Variants in PPP2R2A observed in about 807,000 individuals in gnomAD.
PPP2R2A encodes protein phosphatase 2 regulatory subunit Balpha.
PPP2R2A carries 9 observed loss-of-function variants against 53.2 expected under a neutral mutation model. That is an observed-to-expected ratio of 0.17 (90% CI 0.10 to 0.30). The LOEUF (loss-of-function observed/expected upper bound fraction) is 0.30, where lower values mean the gene tolerates loss of function less well. Ranked by LOEUF, PPP2R2A falls within the 10% of genes least tolerant of loss-of-function variation. The probability of loss-of-function intolerance (pLI) is 1.00; values close to 1 mark genes in which losing one functional copy is unlikely to be tolerated. For synonymous variants in PPP2R2A, 169 were observed against 174.2 expected, an observed-to-expected ratio of 0.97 and a Z score of 0.23; for missense variants, 235 against 534.6, an observed-to-expected ratio of 0.44 and a Z score of 5.53.
At position 26,298,863 on chromosome 8, in the gene PPP2R2A, G is replaced by A. The variant is rs932814502; in HGVS notation, c.82+5123G>A. Among the ~76,000 whole-genome samples the A allele has an allele frequency of 3.3e-4, 50 of 152,058 alleles. 1 individual carries two copies. The highest frequency in any genetic ancestry group is 2.9e-3 in the Admixed American group (45 of 15,278). ...AAAGCCAAGTTCATTTCTTAAAGTC[G>A]AACAGTAAGAAATTTTTTCTAATGA... On this transcript the variant is annotated intron_variant, in intron 2 of 9. Transcript: ENST00000380737.
In PPP2R2A at chr8:26,370,226, A is replaced by G. The variant is rs149766175; in HGVS notation, c.1157A>G (p.Asn386Ser). ...ACCCTAGAAGCATCGCGGGAAAACA[A>G]TAAGCCTCGCACAGTTCTGAAGCCT... ...DITLEASRENNKPRTVLKPRK... is the reference protein window; with the variant it reads ...DITLEASRENSKPRTVLKPRK... Residue 386 changes from asparagine (N) to serine (S), a missense_variant, in exon 10 of 10, where the codon AAT (asparagine) becomes AGT (serine). Coordinates refer to ENST00000380737, the MANE Select transcript of PPP2R2A (RefSeq NM_002717.4). This position sits in a 1 kb window ranked among gnomAD's most constrained non-coding sequence, Gnocchi z 6.1. 185 of 1,614,230 alleles carry G rather than the reference A, an allele frequency of 1.1e-4. No homozygotes were observed. The highest frequency in any genetic ancestry group is 5.7e-4 in the South Asian group (52 of 91,082).
In PPP2R2A at chr8:26,360,865, G is replaced by A. The variant is rs924757311; in HGVS notation, c.460-109G>A. 1 of 1,055,024 alleles carries A rather than the reference G, an allele frequency of 9.5e-7. No homozygotes were observed. Among genetic ancestry groups the A allele is most frequent in the Non-Finnish European group, 1.3e-6 (1 of 742,390 alleles). 65.4% of individuals were successfully genotyped at this position (1,055,024 alleles called of 1,614,324 possible). On this transcript the variant is annotated intron_variant, in intron 5 of 9. Transcript: ENST00000380737. This position sits in a 1 kb window ranked among gnomAD's most constrained non-coding sequence, Gnocchi z 4.5. The stretch of plus-strand genomic sequence containing the variant: ...TTTAAAACTAAATCTATGTAATATT[G>A]TTCTATTTTATGTTCTCAAAAACTG...
At chr8:26,306,478 A>G (rs1462283970) in intron 2 of PPP2R2A, among the ~76,000 whole-genome samples, 3 of 140,824 alleles carry the variant, frequency 2.1e-5, no homozygotes, top group African/African-American at 2.8e-5. Context: ...TCTGTCTGAA[A>G]AAAAAAAAAA....
At chr8:26,303,192 T>G (rs1801867112) in intron 2 of PPP2R2A, among the ~76,000 whole-genome samples, 1 of 152,220 alleles carries the variant, frequency 6.6e-6, no homozygotes, top group Non-Finnish European at 1.5e-5. Context: ...CTCCTTCAGC[T>G]GGTGATCTTG....
At chr8:26,294,348 G>T (rs1223882458) in intron 2 of PPP2R2A, among the ~76,000 whole-genome samples, 1 of 152,144 alleles carries the variant, frequency 6.6e-6, no homozygotes, top group Non-Finnish European at 1.5e-5. Context: ...ATATTCTTGT[G>T]CAGGTAGAAA....
At chr8:26,345,414 G>A (rs1425103857) in intron 3 of PPP2R2A, among the ~76,000 whole-genome samples, 1 of 152,030 alleles carries the variant, frequency 6.6e-6, no homozygotes, top group Non-Finnish European at 1.5e-5. Flanking sequence ...TGGATAAGTG[G>A]CAAAGAATGC....
chr8:26,293,229 C>G, intron 1 of PPP2R2A: 1 of 1,535,770 alleles, frequency 6.5e-7, no homozygotes, highest in Middle Eastern at 1.7e-4. Context: ...TGAATCATTA[C>G]TCCTTACCCA....
intron 2 of PPP2R2A, among the ~76,000 whole-genome samples, chr8:26,308,094 A>T (rs772666780): frequency 1.3e-5 from 2 of 152,276 alleles, no homozygotes; most frequent in Non-Finnish European, 2.9e-5. Flanking sequence ...AGTGTATAAT[A>T]GCGTTAATGT....
intron 3 of PPP2R2A, among the ~76,000 whole-genome samples, chr8:26,353,481 C>G (rs547200309): frequency 6.6e-6 from 1 of 152,322 alleles, no homozygotes; most frequent in Admixed American, 6.5e-5. Context: ...AAACATTTCA[C>G]TGGGTAACTC....
chr8:26,358,840 GA>G (rs1288413266), intron 4 of PPP2R2A: 5 of 439,908 alleles, frequency 1.1e-5, no homozygotes, highest in Admixed American at 9.5e-5. Flanking sequence ...TCCTGCAGGA[GA>G]ATTCTAAATA....
chr8:26,294,831 G>A (rs1261808712), intron 2 of PPP2R2A, among the ~76,000 whole-genome samples: 1 of 152,078 alleles, frequency 6.6e-6, no homozygotes, highest in Non-Finnish European at 1.5e-5. Flanking sequence ...GCCAACTGGT[G>A]TAGATTATAC....
chr8:26,370,702 T>C lies in PPP2R2A; in HGVS notation c.*289T>C, dbSNP rs933403500. 7.5e-6 allele frequency: 3 copies of C among 398,922 alleles called. No homozygotes were observed. Among genetic ancestry groups the C allele is most frequent in the Non-Finnish European group, 1.4e-5 (3 of 215,578 alleles). The allele number at this position is 398,922 out of a possible 1,614,324, so 24.7% of individuals were successfully genotyped here. ...CTAGATTGGACTGTATCAACATTGA[T>C]TTACTCCACTTTTTATGCCTTCCAT... On this transcript the variant is annotated 3_prime_UTR_variant, in exon 10 of 10. Coordinates refer to ENST00000380737, the MANE Select transcript of PPP2R2A (RefSeq NM_002717.4). This position sits in a 1 kb window ranked among gnomAD's most constrained non-coding sequence, Gnocchi z 6.1.
chr8:26,329,532 C>G (rs572826820), intron 2 of PPP2R2A, among the ~76,000 whole-genome samples: 1 of 152,110 alleles, frequency 6.6e-6, no homozygotes, highest in African/African-American at 2.4e-5. Flanking sequence ...CTATTGAATT[C>G]TTTTTAAAAA....
intron 3 of PPP2R2A, among the ~76,000 whole-genome samples, chr8:26,350,353 A>G (rs1804430585): frequency 6.6e-6 from 1 of 152,086 alleles, no homozygotes; most frequent in Non-Finnish European, 1.5e-5. Flanking sequence ...ATGAGACATC[A>G]CGTCCGGCCT....
rs1803264872 is a variant in PPP2R2A, at chr8:26,329,535, T to C, written c.83-9355T>C. On this transcript the variant is annotated intron_variant, in intron 2 of 9. Transcript: ENST00000380737. Reference sequence around the variant, plus strand: ...AACCCCCTTTTCCTATTGAATTCTTTTTAAAAAAATTCCACCAGACTTTGG... The same window carrying C: ...AACCCCCTTTTCCTATTGAATTCTTCTTAAAAAAATTCCACCAGACTTTGG... Among the ~76,000 whole-genome samples, 3 of 152,222 alleles carry C rather than the reference T, an allele frequency of 2.0e-5. No individual in the cohort carries two copies. In the South Asian group the frequency reaches 6.2e-4, roughly 32 times the overall value.
intron 2 of PPP2R2A, among the ~76,000 whole-genome samples, chr8:26,329,232 T>G (rs1803245119): frequency 6.6e-6 from 1 of 152,192 alleles, no homozygotes; most frequent in East Asian, 1.9e-4. Flanking sequence ...TCTTGGAGTT[T>G]CTCTGTGACT....
intron 2 of PPP2R2A, among the ~76,000 whole-genome samples, chr8:26,335,965 C>T (rs1287696350): frequency 1.3e-5 from 2 of 152,214 alleles, no homozygotes; most frequent in African/African-American, 4.8e-5. Flanking sequence ...TTGCATCTTG[C>T]AATCAAGTCT....
chr8:26,334,602 G>A lies in PPP2R2A; in HGVS notation c.83-4288G>A, dbSNP rs1192510021. ...CTACTAAAAATACAAAAAATTAGCC[G>A]GTGGTGGTGGCAGGTGCCTGTAGTC... On this transcript the variant is annotated intron_variant, in intron 2 of 9. Coordinates refer to ENST00000380737, the MANE Select transcript of PPP2R2A (RefSeq NM_002717.4). Among the ~76,000 whole-genome samples, 5 of 152,102 alleles carry A rather than the reference G, an allele frequency of 3.3e-5. No individual in the cohort carries two copies. In the East Asian group the frequency reaches 9.7e-4, roughly 29 times the overall value.
Position 26,354,723 on chromosome 8 carries a change from T to G in PPP2R2A, c.346+90T>G, listed in dbSNP as rs140452010. 3 of 1,206,346 alleles carry G rather than the reference T, an allele frequency of 2.5e-6. No individual in the cohort carries two copies. In the Admixed American group the frequency reaches 8.9e-5, roughly 36 times the overall value. The allele number at this position is 1,206,346 out of a possible 1,614,324, so 74.7% of individuals were successfully genotyped here. On this transcript the variant is annotated intron_variant, in intron 4 of 9. Coordinates refer to ENST00000380737, the MANE Select transcript of PPP2R2A (RefSeq NM_002717.4). This position sits in a 1 kb window ranked among gnomAD's most constrained non-coding sequence, Gnocchi z 4.6. ...TAGGAGAGGAATCATTTAACAGAGATACTTGTAAAAAGGACTTTTGTTTTT... is the reference window on the plus strand; with the variant it reads ...TAGGAGAGGAATCATTTAACAGAGAGACTTGTAAAAAGGACTTTTGTTTTT...
Sources: gnomAD v4.1 joint callset for allele counts (sites outside exome capture counted in the v4.1 genomes callset) on GRCh38, gnomAD v4.1.1 for gene constraint, Gnocchi (gnomAD v3.1) non-coding constraint, MANE v1.5 for transcripts, NCBI Gene and HGNC (gene_info 2026-07-23, HGNC 2026-07-21) for gene names.